Variants in ELAVL2 observed in about 807,000 individuals in gnomAD.
ELAVL2 encodes ELAV like RNA binding protein 2.
ELAVL2 carries 4 observed loss-of-function variants against 34.6 expected under a neutral mutation model. That is an observed-to-expected ratio of 0.12 (90% confidence interval 0.06 to 0.26). The LOEUF is 0.26. Among genes scored for constraint, ELAVL2 ranks in the 10% least tolerant of loss-of-function variants. ELAVL2 has a pLI of 1.00. For missense variants in ELAVL2, 432 were observed against 442.8 expected, an observed-to-expected ratio of 0.98 and a Z score of 0.22; for synonymous variants, 193 against 154.8, an observed-to-expected ratio of 1.25 and a Z score of -1.83.
At chr9:23,725,524 C>CT (rs1235157336) in intron 3 of ELAVL2, among the ~76,000 whole-genome samples, 2 of 152,160 alleles carry the variant, frequency 1.3e-5, no homozygotes, top group African/African-American at 4.8e-5. Flanking sequence ...CCTGCATACC[C>CT]TCTCCTCCTT....
intron 3 of ELAVL2, among the ~76,000 whole-genome samples, chr9:23,723,034 A>C (rs2044139247): frequency 6.6e-6 from 1 of 152,156 alleles, no homozygotes; most frequent in African/African-American, 2.4e-5. Flanking sequence ...TGGGAAAGTA[A>C]AGCAACAAGG....
chr9:23,816,317 T>TTAAAA (rs752584065), intron 1 of ELAVL2, among the ~76,000 whole-genome samples: 1 of 44,696 alleles, frequency 2.2e-5, no homozygotes, highest in African/African-American at 9.2e-5. Context: ...AAGCTTTCAG[T>TTAAAA]AAAAAAAAAA....
At chr9:23,698,530 T>G (rs2036054292) in intron 5 of ELAVL2, among the ~76,000 whole-genome samples, 1 of 152,176 alleles carries the variant, frequency 6.6e-6, no homozygotes, top group Non-Finnish European at 1.5e-5. Context: ...GCTCAATCTC[T>G]CTCAACTCCC....
intron 2 of ELAVL2, among the ~76,000 whole-genome samples, chr9:23,732,372 T>C (rs2046791931): frequency 1.3e-5 from 2 of 152,136 alleles, no homozygotes; most frequent in South Asian, 2.1e-4. Context: ...ACAATCAGAA[T>C]TTTGGATAAT....
chr9:23,804,321 AG>A (rs1441213517), intron 1 of ELAVL2, among the ~76,000 whole-genome samples: 2 of 152,130 alleles, frequency 1.3e-5, no homozygotes, highest in African/African-American at 4.8e-5. Context: ...TACACCTGAG[AG>A]GTTAACAATT....
chr9:23,777,352 T>C (rs1226699961), intron 1 of ELAVL2, among the ~76,000 whole-genome samples: 1 of 119,562 alleles, frequency 8.4e-6, no homozygotes, highest in Non-Finnish European at 1.9e-5. Context: ...TCTACTCAAA[T>C]GCCACTCTAT....
At chr9:23,785,493 T>C (rs2059571962) in intron 1 of ELAVL2, among the ~76,000 whole-genome samples, 1 of 152,182 alleles carries the variant, frequency 6.6e-6, no homozygotes, top group Non-Finnish European at 1.5e-5. Flanking sequence ...ATAGGCAAAA[T>C]GAAACATTTT....
chr9:23,709,165 C>CTA (rs1300827584), intron 3 of ELAVL2, among the ~76,000 whole-genome samples: 1 of 152,174 alleles, frequency 6.6e-6, no homozygotes, highest in Non-Finnish European at 1.5e-5. Flanking sequence ...GGTCCTACCC[C>CTA]TATCCCTTTA....
intron 1 of ELAVL2, chr9:23,779,430 G>A (rs1210087014): frequency 3.0e-6 from 3 of 985,102 alleles, no homozygotes; most frequent in Non-Finnish European, 2.4e-6. Flanking sequence ...GATCTGGGAG[G>A]TGGCTGAGGG....
At chr9:23,731,945 G>C (rs941360626) in intron 2 of ELAVL2, among the ~76,000 whole-genome samples, 1 of 152,088 alleles carries the variant, frequency 6.6e-6, no homozygotes, top group African/African-American at 2.4e-5. Flanking sequence ...CAGACAATGG[G>C]AGCTATCAAA....
chr9:23,736,890 C>T (rs1056613964), intron 2 of ELAVL2, among the ~76,000 whole-genome samples: 1 of 152,132 alleles, frequency 6.6e-6, no homozygotes, highest in Non-Finnish European at 1.5e-5. Flanking sequence ...TCTTCCACCA[C>T]TCCTACACAT....
chr9:23,752,036 A>T (rs977433309), intron 2 of ELAVL2, among the ~76,000 whole-genome samples: 4 of 152,060 alleles, frequency 2.6e-5, no homozygotes, highest in African/African-American at 9.7e-5. Flanking sequence ...ATCATGACAA[A>T]CTCCAAGAAA....
At chr9:23,767,812 A>C (rs1015249491) in intron 1 of ELAVL2, among the ~76,000 whole-genome samples, 9 of 152,088 alleles carry the variant, frequency 5.9e-5, no homozygotes, top group African/African-American at 2.2e-4. Context: ...ATATTCTGAG[A>C]GTTGTTATTA....
chr9:23,792,930 C>G (rs1377413345), intron 1 of ELAVL2, among the ~76,000 whole-genome samples: 3 of 151,958 alleles, frequency 2.0e-5, no homozygotes, highest in Non-Finnish European at 4.4e-5. Context: ...ATCACCACAC[C>G]CAGTTATTTT....
intron 3 of ELAVL2, among the ~76,000 whole-genome samples, chr9:23,715,081 T>C (rs892866751): frequency 6.6e-6 from 1 of 152,216 alleles, no homozygotes; most frequent in African/African-American, 2.4e-5. Flanking sequence ...AAGTCTTATA[T>C]GATGCCTATC....
At chr9:23,784,522 G>A (rs1195159992) in intron 1 of ELAVL2, among the ~76,000 whole-genome samples, 2 of 152,166 alleles carry the variant, frequency 1.3e-5, no homozygotes, top group Non-Finnish European at 2.9e-5. Flanking sequence ...TGGGACTGGT[G>A]AATAAGACAT....
intron 1 of ELAVL2, chr9:23,765,033 C>G: frequency 6.2e-7 from 1 of 1,609,260 alleles, no homozygotes; most frequent in Non-Finnish European, 8.5e-7. Context: ...CTGCTGCCCA[C>G]GAACCACTTC....
intron 1 of ELAVL2, among the ~76,000 whole-genome samples, chr9:23,778,406 T>A (rs142283980): frequency 2.8e-3 from 425 of 152,280 alleles, no homozygotes; most frequent in African/African-American, 9.8e-3. Flanking sequence ...TGTTCAACAT[T>A]TAAAATTTCA....
chr9:23,776,392 T>A (rs944547099), intron 1 of ELAVL2, among the ~76,000 whole-genome samples: 4 of 152,066 alleles, frequency 2.6e-5, no homozygotes, highest in African/African-American at 9.7e-5. Flanking sequence ...AATAAGCCAA[T>A]CTCATCACCA....
Sources: gnomAD v4.1 joint callset for allele counts (sites outside exome capture counted in the v4.1 genomes callset) on GRCh38, gnomAD v4.1.1 for gene constraint, MANE v1.5 for transcripts, NCBI Gene and HGNC (gene_info 2026-07-23, HGNC 2026-07-21) for gene names.